NAT8L: variants seen among roughly 807,000 people sequenced by gnomAD.
The protein encoded by NAT8L is N-acetylaspartate synthetase.
NAT8L carries 6 observed loss-of-function variants against 21.2 expected under a neutral mutation model. The observed-to-expected ratio is 0.28, with a 90% CI of 0.16 to 0.56. The LOEUF is 0.56. Among genes scored for constraint, NAT8L ranks in the 20% least tolerant of loss-of-function variants. The pLI is 0.93. For missense variants in NAT8L, 331 were observed against 433.3 expected (o/e 0.76, Z 2.10); for synonymous variants, 239 against 204.9 (o/e 1.17, Z -1.42).
intron 2 of NAT8L, 39 bp from the exon 3 acceptor site, chr4:2,063,720 CT>C (rs765285066): frequency 6.2e-7 from 1 of 1,605,910 alleles, no homozygotes; most frequent in South Asian, 1.1e-5. Flanking sequence ...TCTCCCCAGC[CT>C]TCCTCACCGG....
Position 2,068,592 on chromosome 4 carries a change from ATG to A in NAT8L, c.*4468_*4469del, listed in dbSNP as rs1347992549. 2.0e-5 allele frequency: 3 copies of A among 152,158 alleles called. No homozygotes were observed. Among genetic ancestry groups the A allele is most frequent in the African/African-American group, 7.2e-5 (3 of 41,390 alleles). The allele number at this position is 152,158 out of a possible 1,614,324, so 9.4% of individuals were successfully genotyped here. On this transcript the variant is annotated 3_prime_UTR_variant, in exon 3 of 3. Coordinates refer to ENST00000423729, the MANE Select transcript of NAT8L (RefSeq NM_178557.4). The stretch of plus-strand genomic sequence containing the variant: ...AGCATGCACATGTGTATGGATGCAT[ATG>A]TGAGCTGTACATGTAGAGTGTACAT...
chr4:2,059,753 G>A lies in NAT8L; in HGVS notation c.242G>A (p.Arg81His). 7.7e-7 allele frequency: 1 copy of A among 1,302,222 alleles called. No individual in the cohort carries two copies. The highest frequency in any genetic ancestry group is 1.6e-5 in the South Asian group (1 of 61,682). The allele number at this position is 1,302,222 out of a possible 1,614,324, so 80.7% of individuals were successfully genotyped here. A position where few individuals can be genotyped will look rare whatever the true frequency, so the allele number is the denominator to read the frequency against. Residue 81 changes from arginine to histidine, a missense_variant, in exon 1 of 3, where the codon CGC (arginine) becomes CAC (histidine). Arg to His is a conservative substitution (Grantham distance 29, BLOSUM62 0). Transcript: ENST00000423729. The surrounding 1 kb of genome is among the most constrained non-coding windows in gnomAD (Gnocchi z 4.8). ...CCGGGGGGGCGCGGCGTGTGCATCC[G>A]CGAGTTCCGTGCGGCCGAGCAGGAG... ...GPPGGRGVCI[R>H]EFRAAEQEAA... is the part of the protein sequence containing the mutation.
In NAT8L at chr4:2,068,735, C is replaced by T. The variant is rs889518737; in HGVS notation, c.*4608C>T. 6.6e-5 allele frequency: 10 copies of T among 152,226 alleles called. No individual in the cohort carries two copies. The highest frequency in any genetic ancestry group is 2.4e-4 in the African/African-American group (10 of 41,424). 9.4% of individuals were successfully genotyped at this position (152,226 alleles called of 1,614,324 possible). ...AGTGCCCGGGGAAGCAGGTCCTGCTCACGGCTTCCCTGCTGGGCCCCAGGC... is the reference window on the plus strand; with the variant it reads ...AGTGCCCGGGGAAGCAGGTCCTGCTTACGGCTTCCCTGCTGGGCCCCAGGC... On this transcript the variant is annotated 3_prime_UTR_variant, in exon 3 of 3. Transcript: ENST00000423729.
In NAT8L at chr4:2,064,502, C is replaced by A. The variant is rs1489625349; in HGVS notation, c.*375C>A. 6.4e-6 allele frequency: 1 copy of A among 156,294 alleles called. No individual in the cohort carries two copies. Among genetic ancestry groups the A allele is most frequent in the East Asian group, 1.9e-4 (1 of 5,330 alleles). The allele number at this position is 156,294 out of a possible 1,614,324, so 9.7% of individuals were successfully genotyped here. On this transcript the variant is annotated 3_prime_UTR_variant, in exon 3 of 3. Coordinates refer to ENST00000423729, the MANE Select transcript of NAT8L (RefSeq NM_178557.4). ...CTGCAGCAGATCCCGGGGCCAGGCT[C>A]CGGCCCCGCCTGCGGCCCCAGCGCC...
At position 2,059,409 on chromosome 4, in the gene NAT8L, C is replaced by CCG; in HGVS notation, c.-103_-102insCG. 1 of 372,038 alleles carries CCG rather than the reference C, an allele frequency of 2.7e-6. No homozygotes were observed. The highest frequency in any genetic ancestry group is 3.7e-6 in the Non-Finnish European group (1 of 273,290). The allele number at this position is 372,038 out of a possible 1,614,324, so 23.0% of individuals were successfully genotyped here. ...CCGCCGCCGCCGCTGCCGCCGCCGC[C>CCG]GCCGCCGCCGCGGGTCCGAGGGCGC... On this transcript the variant is annotated 5_prime_UTR_variant, in exon 1 of 3. Transcript: ENST00000423729. This position sits in a 1 kb window ranked among gnomAD's most constrained non-coding sequence, Gnocchi z 4.8.
intron 2 of NAT8L, among the ~76,000 whole-genome samples, chr4:2,062,086 A>G (rs150506999): frequency 6.6e-4 from 100 of 152,328 alleles, no homozygotes; most frequent in Non-Finnish European, 1.2e-3. Context: ...GAGGAAGCAC[A>G]GGCCACAGCA....
rs1278910766 is a variant in NAT8L, at chr4:2,060,964, C to G, written c.377-34C>G. 7.6e-7 allele frequency: 1 copy of G among 1,324,462 alleles called. No homozygotes were observed. Among genetic ancestry groups the G allele is most frequent in the Middle Eastern group, 2.5e-4 (1 of 3,972 alleles). 82.0% of individuals were successfully genotyped at this position (1,324,462 alleles called of 1,614,324 possible). A position where few individuals can be genotyped will look rare whatever the true frequency, so the allele number is the denominator to read the frequency against. The stretch of plus-strand genomic sequence containing the variant: ...GGCGTCTCTGGGGCCTGGGGACCCC[C>G]GCCGCGCCGCTGACCCGCGCCCTCT... On this transcript the variant is annotated intron_variant, in intron 1 of 2. Transcript: ENST00000423729. This position sits in a 1 kb window ranked among gnomAD's most constrained non-coding sequence, Gnocchi z 4.7.
rs1729805052 is a variant in NAT8L, at chr4:2,059,350, G to GCCGCCT, written c.-156_-151dup. On this transcript the variant is annotated 5_prime_UTR_variant, in exon 1 of 3. Transcript: ENST00000423729. The surrounding 1 kb of genome is among the most constrained non-coding windows in gnomAD (Gnocchi z 4.8). ...CTCCCTGCGCGCGCCCCGGCCGCCC[G>GCCGCCT]CCGCCTCCGCCCCGCGCCCCTGAGC... Among the ~76,000 whole-genome samples, 1 of 144,790 alleles carries GCCGCCT rather than the reference G, an allele frequency of 6.9e-6. No individual in the cohort carries two copies. The highest frequency in any genetic ancestry group is 2.5e-5 in the African/African-American group (1 of 40,344). 95.0% of individuals were successfully genotyped at this position (144,790 alleles called of 152,430 possible).
At chr4:2,061,193 C>T (rs1478199197) in intron 2 of NAT8L, 31 bp downstream of exon 2, 1 of 1,609,728 alleles carries the variant, frequency 6.2e-7, no homozygotes, top group Non-Finnish European at 8.5e-7. Flanking sequence ...TCCCCGACCT[C>T]CGCCCCAGAC....
Position 2,059,864 on chromosome 4 carries a change from A to C in NAT8L, c.353A>C (p.Gln118Pro). 1 of 1,372,652 alleles carries C rather than the reference A, an allele frequency of 7.3e-7. No individual in the cohort carries two copies. 85.0% of individuals were successfully genotyped at this position (1,372,652 alleles called of 1,614,324 possible). ...FRGLRQHPRA[Q>P]LLYALLAALC... Reference sequence around the variant, plus strand: ...GGCCTGCGGCAGCACCCGCGCGCGCAGCTGCTCTACGCCCTGCTGGCGGGT... The same window carrying C: ...GGCCTGCGGCAGCACCCGCGCGCGCCGCTGCTCTACGCCCTGCTGGCGGGT... The change falls in exon 1 of 3, where the codon CAG (glutamine) becomes CCG (proline). Residue 118 changes from glutamine to proline, a missense_variant. Gln to Pro is a moderately conservative substitution (Grantham distance 76). This residue lies in a region of NAT8L where 199 missense variants were observed against 196.1 expected (regional missense o/e 1.01). Transcript: ENST00000423729. This position sits in a 1 kb window ranked among gnomAD's most constrained non-coding sequence, Gnocchi z 4.8.
At chr4:2,061,389 A>T (rs960926855) in intron 2 of NAT8L, among the ~76,000 whole-genome samples, 9 of 152,318 alleles carry the variant, frequency 5.9e-5, no homozygotes, top group African/African-American at 1.9e-4. Context: ...CCTGCGACGC[A>T]GTGGCTCCAC....
Position 2,066,578 on chromosome 4 carries a change from T to TC in NAT8L, c.*2454dup, listed in dbSNP as rs1336714326. ...GGTGGGCCTGACCTGGCCCACCTCATCCCTCCAGCCTGGGATCTCACTGCT... is the reference window on the plus strand; with the variant it reads ...GGTGGGCCTGACCTGGCCCACCTCATCCCCTCCAGCCTGGGATCTCACTGCT... On this transcript the variant is annotated 3_prime_UTR_variant, in exon 3 of 3. Transcript: ENST00000423729. 1 of 152,220 alleles carries TC rather than the reference T, an allele frequency of 6.6e-6. No homozygotes were observed. Among genetic ancestry groups the TC allele is most frequent in the Non-Finnish European group, 1.5e-5 (1 of 68,064 alleles). The allele number at this position is 152,220 out of a possible 1,614,324, so 9.4% of individuals were successfully genotyped here. A position where few individuals can be genotyped will look rare whatever the true frequency, so the allele number is the denominator to read the frequency against.
In NAT8L at chr4:2,068,199, G is replaced by C. The variant is rs1353856137; in HGVS notation, c.*4072G>C. The stretch of plus-strand genomic sequence containing the variant: ...TGTGTGCATGTGTGAGCCTGTGCAC[G>C]TGCATGTTGTAGGTGCATAAGCATG... On this transcript the variant is annotated 3_prime_UTR_variant, in exon 3 of 3. Coordinates refer to ENST00000423729, the MANE Select transcript of NAT8L (RefSeq NM_178557.4). 1 of 152,252 alleles carries C rather than the reference G, an allele frequency of 6.6e-6. No individual in the cohort carries two copies. Among genetic ancestry groups the C allele is most frequent in the Non-Finnish European group, 1.5e-5 (1 of 68,068 alleles). 9.4% of individuals were successfully genotyped at this position (152,252 alleles called of 1,614,324 possible). A position where few individuals can be genotyped will look rare whatever the true frequency, so the allele number is the denominator to read the frequency against.
Position 2,064,200 on chromosome 4 carries a change from G to A in NAT8L, c.*73G>A. ...GCCCGCCTGCCCGCCGCCCGGCGCG[G>A]CCTGCTTTCAGACGCTCAATTGGCG... On this transcript the variant is annotated 3_prime_UTR_variant, in exon 3 of 3. Coordinates refer to ENST00000423729, the MANE Select transcript of NAT8L (RefSeq NM_178557.4). 1.8e-6 allele frequency: 2 copies of A among 1,085,166 alleles called. No homozygotes were observed. The highest frequency in any genetic ancestry group is 2.3e-6 in the Non-Finnish European group (2 of 872,696). The allele number at this position is 1,085,166 out of a possible 1,614,324, so 67.2% of individuals were successfully genotyped here.
chr4:2,061,939 G>C (rs538169085), intron 2 of NAT8L, among the ~76,000 whole-genome samples: 1 of 152,160 alleles, frequency 6.6e-6, no homozygotes, highest in Non-Finnish European at 1.5e-5. Flanking sequence ...GTCTGGCACC[G>C]CTGGCTGCCA....
rs1277738543 is a variant in NAT8L, at chr4:2,063,967, C to G, written c.749C>G (p.Ala250Gly). The G allele has an allele frequency of 6.2e-7, 1 of 1,611,626 alleles. No individual in the cohort carries two copies. The highest frequency in any genetic ancestry group is 8.5e-7 in the Non-Finnish European group (1 of 1,179,462). ...NYSAVVLGTT[A>G]VKVAAHKLYE... is the part of the protein sequence containing the mutation. ...TCCGCGGTGGTGCTGGGCACGACGG[C>G]CGTCAAGGTGGCCGCCCACAAGCTC... is the stretch of plus-strand genomic sequence containing the variant. The change falls in exon 3 of 3, where the codon GCC becomes GGC. Residue 250 changes from alanine to glycine, a missense_variant. Transcript: ENST00000423729.
Position 2,068,274 on chromosome 4 carries a change from G to A in NAT8L, c.*4147G>A, listed in dbSNP as rs1329900177. On this transcript the variant is annotated 3_prime_UTR_variant, in exon 3 of 3. Transcript: ENST00000423729. The stretch of plus-strand genomic sequence containing the variant: ...TGTACACGTGTATAGGTGTACATGT[G>A]CATGAGTTGTGTACATGCGTGAGCA... The A allele has an allele frequency of 6.6e-6, 1 of 152,250 alleles. No individual in the cohort carries two copies. Among genetic ancestry groups the A allele is most frequent in the East Asian group, 1.9e-4 (1 of 5,194 alleles). The allele number at this position is 152,250 out of a possible 1,614,324, so 9.4% of individuals were successfully genotyped here. A position where few individuals can be genotyped will look rare whatever the true frequency, so the allele number is the denominator to read the frequency against.
At position 2,064,418 on chromosome 4, in the gene NAT8L, C is replaced by T. The variant is rs955707830; in HGVS notation, c.*291C>T. On this transcript the variant is annotated 3_prime_UTR_variant, in exon 3 of 3. Transcript: ENST00000423729. ...CTTGGACCACCGCGGCTGTCCATGACGCTGCCCTGCCCGCCGCCACTGGGG... is the reference window on the plus strand; with the variant it reads ...CTTGGACCACCGCGGCTGTCCATGATGCTGCCCTGCCCGCCGCCACTGGGG... The T allele has an allele frequency of 3.5e-5, 6 of 172,764 alleles. No homozygotes were observed. Among genetic ancestry groups the T allele is most frequent in the African/African-American group, 9.6e-5 (4 of 41,564 alleles). The allele number at this position is 172,764 out of a possible 1,614,324, so 10.7% of individuals were successfully genotyped here. A position where few individuals can be genotyped will look rare whatever the true frequency, so the allele number is the denominator to read the frequency against.
At position 2,063,817 on chromosome 4, in the gene NAT8L, G is replaced by A. The variant is rs750555582; in HGVS notation, c.599G>A (p.Arg200Gln). Residue 200 changes from arginine (R) to glutamine (Q), a missense_variant, in exon 3 of 3, where the codon CGG becomes CAG. Coordinates refer to ENST00000423729, the MANE Select transcript of NAT8L (RefSeq NM_178557.4). The stretch of plus-strand genomic sequence containing the variant: ...AACGTGGTGGGCATTGTGGCTGCAC[G>A]GGCCCACGAGGAGGACAACACGGTG... ...DGNVVGIVAA[R>Q]AHEEDNTVEL... 3.7e-6 allele frequency: 6 copies of A among 1,612,270 alleles called. No homozygotes were observed. Among genetic ancestry groups the A allele is most frequent in the East Asian group, 2.2e-5 (1 of 44,886 alleles).
Sources: allele counts gnomAD v4.1 joint callset (sites outside exome capture counted in the v4.1 genomes callset), GRCh38; gene constraint gnomAD v4.1.1; regional missense constraint gnomAD v4.1.1; non-coding constraint Gnocchi (gnomAD v3.1); transcripts MANE v1.5; gene names NCBI Gene and HGNC (gene_info 2026-07-23, HGNC 2026-07-21).